Variants in ACO2 observed in about 807,000 individuals in gnomAD.
The protein encoded by ACO2 is aconitate hydratase, mitochondrial.
In ACO2, 31 loss-of-function variants were observed where a neutral mutation model predicts 84.5. That is an observed-to-expected ratio of 0.37 (90% CI 0.28 to 0.50). The LOEUF is 0.50. Ranked by LOEUF, ACO2 falls within the 20% of genes least tolerant of loss-of-function variation. The pLI, the probability that ACO2 is intolerant of heterozygous loss-of-function variation, is 0.97. For missense variants in ACO2, 685 were observed against 1,029.3 expected, an observed-to-expected ratio of 0.67 and a Z score of 4.58; for synonymous variants, 414 against 412.7, an observed-to-expected ratio of 1.00 and a Z score of -0.04.
Position 41,526,399 on chromosome 22 carries a change from C to T in ACO2, c.1899C>T (p.Arg633=), listed in dbSNP as rs1276502264. Residue 633 remains arginine, a synonymous_variant, in exon 15 of 18, where the codon CGC becomes CGT. Coordinates refer to ENST00000216254, the MANE Select transcript of ACO2 (RefSeq NM_001098.3). ...NIENGKANSV[R]NAVTQEFGPV... ...AAAACGGCAAGGCCAACTCCGTGCG[C>T]AATGCCGTCACTCAGGAGTTTGGCC... 2 of 1,613,922 alleles carry T rather than the reference C, an allele frequency of 1.2e-6. No homozygotes were observed. The highest frequency in any genetic ancestry group is 1.7e-5 in the Admixed American group (1 of 60,024).
intron 2 of ACO2, among the ~76,000 whole-genome samples, chr22:41,500,460 C>CT (rs774234280): frequency 2.0e-5 from 3 of 151,572 alleles, no homozygotes; most frequent in Non-Finnish European, 4.4e-5. Context: ...TCTTGGCTCA[C>CT]TGCAACCTCT....
chr22:41,479,425 C>T (rs896227338), intron 1 of ACO2, among the ~76,000 whole-genome samples: 1 of 152,230 alleles, frequency 6.6e-6, no homozygotes. Context: ...AGTGATGAAA[C>T]TGAGTCCCAG....
intron 9 of ACO2, among the ~76,000 whole-genome samples, chr22:41,522,262 G>A (rs1267697934): frequency 6.6e-6 from 1 of 152,182 alleles, no homozygotes; most frequent in East Asian, 1.9e-4. Context: ...TGAGCCCCAG[G>A]AGTTAGAGAC....
At chr22:41,496,279 C>T (rs2066312890) in intron 1 of ACO2, among the ~76,000 whole-genome samples, 2 of 152,086 alleles carry the variant, frequency 1.3e-5, no homozygotes, top group Admixed American at 1.3e-4. Flanking sequence ...CGTGCCACTA[C>T]ACTCCAGCCT....
Position 41,522,807 on chromosome 22 carries a change from C to T in ACO2, c.1139-23C>T, listed in dbSNP as rs777705978. 5.0e-6 allele frequency: 8 copies of T among 1,613,196 alleles called. No individual in the cohort carries two copies. The South Asian group carries it at 8.8e-5, about 18-fold the overall frequency. ...CTCACTGTCTCCTCCTGACCCTTAA[C>T]CCCACCACCCACAATGCACCAGGTC... On this transcript the variant is annotated intron_variant, in intron 9 of 17. Coordinates refer to ENST00000216254, the MANE Select transcript of ACO2 (RefSeq NM_001098.3).
rs546186985 is a variant in ACO2, at chr22:41,510,501, G to A, written c.433-1375G>A. On this transcript the variant is annotated intron_variant, in intron 3 of 17. Transcript: ENST00000216254. ...GCCTTCAGAGGGCACACACTGGTCT[G>A]GAGTTTCAGTGAAGGGGTGTGTGGT... 9.2e-5 allele frequency among the ~76,000 whole-genome samples: 14 copies of A among 152,366 alleles called. No individual in the cohort carries two copies. The South Asian group carries it at 1.4e-3, about 16-fold the overall frequency.
chr22:41,526,742 C>CA (rs1370344540), intron 15 of ACO2: 2 of 386,188 alleles, frequency 5.2e-6, no homozygotes, highest in African/African-American at 4.1e-5. Context: ...CTCAGGAAGT[C>CA]AGAGGCCAAA....
intron 12 of ACO2, among the ~76,000 whole-genome samples, 195 bp downstream of exon 12, chr22:41,524,136 T>A (rs1269698936): frequency 6.6e-6 from 1 of 152,218 alleles, no homozygotes; most frequent in East Asian, 1.9e-4. Context: ...GAGATATTTA[T>A]ACAGTGGTTT....
intron 7 of ACO2, 23 bp from the exon 8 acceptor site, chr22:41,518,458 T>TC (rs1462490389): frequency 3.2e-6 from 5 of 1,586,166 alleles, no homozygotes; most frequent in Non-Finnish European, 4.3e-6. Flanking sequence ...ACGTGCTCCA[T>TC]CCCCGTCCCT....
chr22:41,523,017 C>T, intron 10 of ACO2, 30 bp downstream of exon 10: 1 of 1,611,982 alleles, frequency 6.2e-7, no homozygotes, highest in Non-Finnish European at 8.5e-7. Context: ...TGCCCATCTC[C>T]CCCACCCCAT....
rs755841786 is a variant in ACO2 at position 41,527,869 on chromosome 22, C to T, written c.2087-32C>T. Reference sequence around the variant, plus strand: ...AATGAAGCTCTCCAGGCTAGTCAGGCCCCCGATGACCGAATGCCGCCTGCT... The same window carrying T: ...AATGAAGCTCTCCAGGCTAGTCAGGTCCCCGATGACCGAATGCCGCCTGCT... On this transcript the variant is annotated intron_variant, in intron 16 of 17. Coordinates refer to ENST00000216254, the MANE Select transcript of ACO2 (RefSeq NM_001098.3). 5 of 1,613,780 alleles carry T rather than the reference C, an allele frequency of 3.1e-6. 1 individual carries two copies. The highest frequency in any genetic ancestry group is 1.3e-5 in the African/African-American group (1 of 74,920).
At chr22:41,527,096 G>C in intron 15 of ACO2, 192 bp from the exon 16 acceptor site, 1 of 759,928 alleles carries the variant, frequency 1.3e-6, no homozygotes, top group Non-Finnish European at 2.1e-6. Flanking sequence ...TCCCCTCGGG[G>C]CCTCGTTTGG....
rs909067018 is a variant in ACO2, at chr22:41,508,159, T to G, written c.432+110T>G. On this transcript the variant is annotated intron_variant, in intron 3 of 17. Coordinates refer to ENST00000216254, the MANE Select transcript of ACO2 (RefSeq NM_001098.3). ...TTGCCTCCAAATTCTCACACCTCTT[T>G]GGATTGGTCTGCTTTTAAAACTTGA... 8.1e-6 allele frequency: 11 copies of G among 1,355,954 alleles called. No individual in the cohort carries two copies. In the African/African-American group the frequency reaches 1.5e-4, roughly 18 times the overall value. 84.0% of individuals were successfully genotyped at this position (1,355,954 alleles called of 1,614,324 possible). A position where few individuals can be genotyped will look rare whatever the true frequency, so the allele number is the denominator to read the frequency against.
chr22:41,523,320 G>A (rs985383080), intron 11 of ACO2, 42 bp downstream of exon 11: 1 of 1,504,594 alleles, frequency 6.6e-7, no homozygotes, highest in Non-Finnish European at 9.1e-7. Flanking sequence ...CTTGTGCACA[G>A]GGTACAGAGC....
At chr22:41,527,568 A>G (rs898933758) in intron 16 of ACO2, 148 bp downstream of exon 16, 6 of 1,122,942 alleles carry the variant, frequency 5.3e-6, no homozygotes, top group Admixed American at 2.6e-5. Flanking sequence ...TCTTAGGCTC[A>G]CACAGTGCAC....
intron 1 of ACO2, among the ~76,000 whole-genome samples, chr22:41,485,990 C>T (rs1370113093): frequency 1.3e-5 from 2 of 152,106 alleles, no homozygotes; most frequent in Non-Finnish European, 2.9e-5. Flanking sequence ...CTTCACCTGC[C>T]CTGCAAATGC....
chr22:41,476,132 G>A (rs944542243), intron 1 of ACO2, among the ~76,000 whole-genome samples: 2 of 151,994 alleles, frequency 1.3e-5, no homozygotes, highest in Admixed American at 1.3e-4. Context: ...TGTGAGCCGG[G>A]TGTGGTGCCT....
intron 1 of ACO2, among the ~76,000 whole-genome samples, chr22:41,486,301 C>CTTT (rs953712981): frequency 6.7e-6 from 1 of 148,682 alleles, no homozygotes; most frequent in Non-Finnish European, 1.5e-5. Context: ...TCAACCTCTT[C>CTTT]TTTTTTTTTT....
chr22:41,521,979 G>T (rs2066530489), intron 9 of ACO2, among the ~76,000 whole-genome samples: 1 of 152,140 alleles, frequency 6.6e-6, no homozygotes. Flanking sequence ...CACTGTGTTA[G>T]CCAGGCTAGT....
Sources: gnomAD v4.1 joint callset for allele counts (sites outside exome capture counted in the v4.1 genomes callset) on GRCh38, gnomAD v4.1.1 for gene constraint, MANE v1.5 for transcripts, NCBI Gene and HGNC (gene_info 2026-07-23, HGNC 2026-07-21) for gene names.